RET: variants seen among roughly 807,000 people sequenced by gnomAD.
The protein encoded by RET is ret proto-oncogene.
Under a neutral mutation model 118.3 loss-of-function variants are expected in RET, and 19 were observed. The ratio of observed to expected loss-of-function variants is 0.16; its 90% CI spans 0.11 to 0.24. The LOEUF (loss-of-function observed/expected upper bound fraction) is 0.24, where lower values mean the gene tolerates loss of function less well. Among genes scored for constraint, RET ranks in the 10% least tolerant of loss-of-function variants. The pLI, the probability that RET is intolerant of heterozygous loss-of-function variation, is 1.00. For missense variants in RET, 1,219 were observed against 1,502.1 expected (o/e 0.81, Z 3.12); for synonymous variants, 597 against 644.1 (o/e 0.93, Z 1.11).
rs1202206539 is a variant in RET, at chr10:43,106,393, G to T, written c.885G>T (p.Thr295=). 6.2e-7 allele frequency: 1 copy of T among 1,611,652 alleles called. No individual in the cohort carries two copies. The highest frequency in any genetic ancestry group is 1.3e-5 in the African/African-American group (1 of 74,906). ...TCCTGCAGGACACCGTGGTGGCCAC[G>T]CTGCGTGTCTTCGATGCAGACGTGG... The part of the protein sequence containing the change: ...FKRKEDTVVA[T]LRVFDADVVP... The change falls in exon 5 of 20, where the codon ACG becomes ACT. Residue 295 remains threonine, a synonymous_variant. Coordinates refer to ENST00000355710, the MANE Select transcript of RET (RefSeq NM_020975.6). The surrounding 1 kb of genome is among the most constrained non-coding windows in gnomAD (Gnocchi z 5.1).
At chr10:43,119,454 C>T (rs901632946) in intron 13 of RET, 77 bp from the exon 14 acceptor site, 14 of 1,289,922 alleles carry the variant, frequency 1.1e-5, no homozygotes, top group Middle Eastern at 2.6e-4. Flanking sequence ...GGGGACCCTG[C>T]GGCCTCCCAC....
Position 43,114,453 on chromosome 10 carries a change from C to A in RET, c.1880-27C>A, listed in dbSNP as rs761152120. On this transcript the variant is annotated intron_variant, in intron 10 of 19. Transcript: ENST00000355710. The surrounding 1 kb of genome is among the most constrained non-coding windows in gnomAD (Gnocchi z 4.6). ...AGTGGTGCCGAGCCTCTGGCGGTGC[C>A]AAGCCTCACACCACCCCCACCCACA... is the stretch of plus-strand genomic sequence containing the variant. The A allele has an allele frequency of 2.9e-5, 47 of 1,604,038 alleles. No homozygotes were observed. The highest frequency in any genetic ancestry group is 4.0e-5 in the African/African-American group (3 of 74,896).
At chr10:43,111,185 G>T in intron 6 of RET, 22 bp from the exon 7 acceptor site, 9 of 1,613,104 alleles carry the variant, frequency 5.6e-6, no homozygotes, top group Non-Finnish European at 7.6e-6. Flanking sequence ...CCTGGCTAAG[G>T]TGTTCCCCTG....
rs2132746164 is a variant in RET at position 43,109,176 on chromosome 10, C to T, written c.1209C>T (p.His403=). The T allele has an allele frequency of 1.2e-6, 2 of 1,613,876 alleles. No homozygotes were observed. The highest frequency in any genetic ancestry group is 1.7e-6 in the Non-Finnish European group (2 of 1,180,040). ...FNVSVLPVSL[H]LPSTYSLSVS... ...TGTCGGTGCTGCCGGTCAGCCTGCA[C>T]CTGCCCAGTACCTACTCCCTCTCCG... The change falls in exon 6 of 20, where the codon CAC becomes CAT. Residue 403 remains histidine, a synonymous_variant. Coordinates refer to ENST00000355710, the MANE Select transcript of RET (RefSeq NM_020975.6).
At chr10:43,104,825 A>C (rs903727502) in intron 3 of RET, 127 bp from the exon 4 acceptor site, 51 of 1,372,464 alleles carry the variant, frequency 3.7e-5, no homozygotes, top group Non-Finnish European at 4.7e-5. Context: ...TGTGGAGCGG[A>C]GGAGGGGAGG....
intron 3 of RET, 50 bp from the exon 4 acceptor site, chr10:43,104,902 C>A (rs1196180289): frequency 2.0e-6 from 3 of 1,538,208 alleles, no homozygotes; most frequent in Non-Finnish European, 2.6e-6. Flanking sequence ...AAGCGGCTGG[C>A]CCGGTCCCGG....
chr10:43,109,985 G>A (rs1232344623), intron 6 of RET, among the ~76,000 whole-genome samples: 2 of 152,192 alleles, frequency 1.3e-5, no homozygotes, highest in African/African-American at 2.4e-5. Flanking sequence ...CCTCTTCAGG[G>A]GCCATCTGCC....
At chr10:43,095,377 T>C (rs1837500218) in intron 1 of RET, among the ~76,000 whole-genome samples, 1 of 152,156 alleles carries the variant, frequency 6.6e-6, no homozygotes, top group African/African-American at 2.4e-5. Context: ...CCCTGGCCTG[T>C]CCCAGCATCT....
rs1838268289 is a variant in RET at position 43,123,710 on chromosome 10, A to C, written c.2841A>C (p.Leu947=). 2 of 1,614,100 alleles carry C rather than the reference A, an allele frequency of 1.2e-6. No homozygotes were observed. The highest frequency in any genetic ancestry group is 1.7e-6 in the Non-Finnish European group (2 of 1,180,022). The change falls in exon 17 of 20, where the codon CTA becomes CTC. Residue 947 remains leucine, a synonymous_variant. Coordinates refer to ENST00000355710, the MANE Select transcript of RET (RefSeq NM_020975.6). Reference sequence around the variant, plus strand: ...TCCTGCTGTGGGAGATCGTGACCCTAGGGGGAAACCCCTATCCTGGGATTC... The same window carrying C: ...TCCTGCTGTGGGAGATCGTGACCCTCGGGGGAAACCCCTATCCTGGGATTC... ...FGVLLWEIVT[L]GGNPYPGIPP... is the part of the protein sequence containing the mutation.
chr10:43,105,067 C>A lies in RET; in HGVS notation c.741C>A (p.Ala247=). The change falls in exon 4 of 20, where the codon GCC becomes GCA. Residue 247 remains alanine, a synonymous_variant. Coordinates refer to ENST00000355710, the MANE Select transcript of RET (RefSeq NM_020975.6). ...YELVAVCTVH[A]GAREEVVMVP... ...TGGTGGCCGTGTGCACCGTGCACGC[C>A]GGCGCGCGCGAGGAGGTGGTGATGG... 1 of 1,610,224 alleles carries A rather than the reference C, an allele frequency of 6.2e-7. No individual in the cohort carries two copies. The highest frequency in any genetic ancestry group is 8.5e-7 in the Non-Finnish European group (1 of 1,179,644).
chr10:43,077,928 TC>T (rs1252986988), intron 1 of RET, among the ~76,000 whole-genome samples: 1 of 151,878 alleles, frequency 6.6e-6, no homozygotes, highest in Non-Finnish European at 1.5e-5. Flanking sequence ...CTGGGGTGGC[TC>T]CCCCCGAGGG....
chr10:43,109,201 G>A lies in RET; in HGVS notation c.1234G>A (p.Val412Met), dbSNP rs746970700. ...CCTGCCCAGTACCTACTCCCTCTCC[G>A]TGAGCAGGAGGGCTCGCCGATTTGC... Reference protein sequence around the residue: ...LHLPSTYSLSVSRRARRFAQI... With the variant: ...LHLPSTYSLSMSRRARRFAQI... The change falls in exon 6 of 20, where the codon GTG becomes ATG. Residue 412 changes from valine (V) to methionine (M), a missense_variant. Val to Met is a conservative substitution (Grantham distance 21). Transcript: ENST00000355710. 1.2e-5 allele frequency: 20 copies of A among 1,613,472 alleles called. No individual in the cohort carries two copies. Among genetic ancestry groups the A allele is most frequent in the Admixed American group, 1.7e-5 (1 of 60,008 alleles).
At chr10:43,083,802 G>A (rs766681059) in intron 1 of RET, among the ~76,000 whole-genome samples, 2 of 152,236 alleles carry the variant, frequency 1.3e-5, no homozygotes, top group African/African-American at 4.8e-5. Flanking sequence ...TGAAATTTGT[G>A]TAACATAAGT....
Position 43,127,315 on chromosome 10 carries a change from C to T in RET, c.3187+593C>T, listed in dbSNP as rs1838357967. On this transcript the variant is annotated intron_variant, in intron 19 of 19. Coordinates refer to ENST00000355710, the MANE Select transcript of RET (RefSeq NM_020975.6). The stretch of plus-strand genomic sequence containing the variant: ...CTGGCTGGCCCTGGGAGGACGCACC[C>T]CCACTGCTGTTTTCACATCCTTTCC... 5 of 1,070,144 alleles carry T rather than the reference C, an allele frequency of 4.7e-6. No individual in the cohort carries two copies. In the South Asian group the frequency reaches 2.2e-4, roughly 47 times the overall value. 66.3% of individuals were successfully genotyped at this position (1,070,144 alleles called of 1,614,324 possible).
In RET at chr10:43,115,008, G is replaced by A. The variant is rs768973064; in HGVS notation, c.2136+272G>A. Among the ~76,000 whole-genome samples the A allele has an allele frequency of 1.2e-3, 179 of 151,946 alleles. 2 individuals carry two copies. Among genetic ancestry groups the A allele is most frequent in the Non-Finnish European group, 2.2e-3 (146 of 67,886 alleles). On this transcript the variant is annotated intron_variant, in intron 11 of 19. Transcript: ENST00000355710. ...GCAGCAGTGTGGATGGAGGGGCACT[G>A]AAGTCAGAAGGGGGTGCCTTTCTGG...
chr10:43,088,378 G>A (rs879767593), intron 1 of RET, among the ~76,000 whole-genome samples: 3 of 150,600 alleles, frequency 2.0e-5, no homozygotes, highest in Non-Finnish European at 4.4e-5. Flanking sequence ...GGTGTTAGTG[G>A]AGGTGATGGT....
chr10:43,112,869 C>T lies in RET; in HGVS notation c.1665C>T (p.Phe555=), dbSNP rs761815073. Residue 555 remains phenylalanine (F), a synonymous_variant, in exon 9 of 20, where the codon TTC becomes TTT. Coordinates refer to ENST00000355710, the MANE Select transcript of RET (RefSeq NM_020975.6). ...CCTGTGCAGGGATCACCAGGAACTT[C>T]TCCACCTGCTCTCCCAGCACCAAGA... is the stretch of plus-strand genomic sequence containing the variant. ...QGDGKGITRN[F]STCSPSTKTC... The T allele has an allele frequency of 1.2e-6, 2 of 1,614,048 alleles. No homozygotes were observed. The highest frequency in any genetic ancestry group is 1.7e-6 in the Non-Finnish European group (2 of 1,179,966).
chr10:43,099,175 C>T (rs1390201598), intron 1 of RET, among the ~76,000 whole-genome samples: 1 of 152,116 alleles, frequency 6.6e-6, no homozygotes, highest in Non-Finnish European at 1.5e-5. Flanking sequence ...CCTCTGTCCA[C>T]AGCGCCTTCA....
chr10:43,096,961 CA>C (rs1837534740), intron 1 of RET, among the ~76,000 whole-genome samples: 1 of 152,200 alleles, frequency 6.6e-6, no homozygotes, highest in African/African-American at 2.4e-5. Context: ...CAGCTGTGCC[CA>C]GCTGCAGAGA....
Sources: gnomAD v4.1 joint callset for allele counts (sites outside exome capture counted in the v4.1 genomes callset) on GRCh38, gnomAD v4.1.1 for gene constraint, Gnocchi (gnomAD v3.1) non-coding constraint, MANE v1.5 for transcripts, NCBI Gene and HGNC (gene_info 2026-07-23, HGNC 2026-07-21) for gene names.